IGFBP7: variants seen among roughly 807,000 people sequenced by gnomAD.
IGFBP7 encodes the protein insulin like growth factor binding protein 7.
Under a neutral mutation model 29.4 loss-of-function variants are expected in IGFBP7, and 31 were observed. The ratio of observed to expected loss-of-function variants is 1.05; its 90% CI spans 0.79 to 1.42. IGFBP7 has a LOEUF of 1.42. IGFBP7 is among the 40% of genes most tolerant of loss of function. The pLI is 0.00. For missense variants in IGFBP7, 393 were observed against 395.5 expected (o/e 0.99, Z 0.05); for synonymous variants, 172 against 174.9 (o/e 0.98, Z 0.13).
At chr4:57,041,370 A>G (rs779891680) in intron 1 of IGFBP7, among the ~76,000 whole-genome samples, 9 of 152,180 alleles carry the variant, frequency 5.9e-5, no homozygotes, top group Non-Finnish European at 1.0e-4. Context: ...AAAAAATCTA[A>G]GAGAATATTT....
chr4:57,068,492 G>C (rs929380801), intron 1 of IGFBP7, among the ~76,000 whole-genome samples: 5 of 152,078 alleles, frequency 3.3e-5, no homozygotes, highest in African/African-American at 1.2e-4. Flanking sequence ...AGATAAGATG[G>C]GCCTAGAAAC....
chr4:57,044,276 C>T (rs894656564), intron 1 of IGFBP7, among the ~76,000 whole-genome samples: 5 of 152,214 alleles, frequency 3.3e-5, no homozygotes, highest in African/African-American at 9.6e-5. Context: ...GGGCAAGTTC[C>T]AGCCTGATTT....
Position 57,031,307 on chromosome 4 carries a change from T to C in IGFBP7, c.*10A>G, listed in dbSNP as rs750017825. 5 of 1,603,094 alleles carry C rather than the reference T, an allele frequency of 3.1e-6. No individual in the cohort carries two copies. The highest frequency in any genetic ancestry group is 4.3e-6 in the Non-Finnish European group (5 of 1,172,318). ...CTTTTAACCATGCAGACTAATAATA[T>C]TCTGGAGGTTTATAGCTCGGCACCT... On this transcript the variant is annotated 3_prime_UTR_variant, in exon 5 of 5. Transcript: ENST00000295666.
intron 1 of IGFBP7, among the ~76,000 whole-genome samples, chr4:57,063,742 A>G (rs779352130): frequency 6.6e-6 from 1 of 152,182 alleles, no homozygotes; most frequent in Non-Finnish European, 1.5e-5. Context: ...GTAGGTACAA[A>G]CAGGTCAATG....
chr4:57,032,966 G>GA (rs1723977655), intron 3 of IGFBP7, among the ~76,000 whole-genome samples: 1 of 152,176 alleles, frequency 6.6e-6, no homozygotes, highest in Admixed American at 6.5e-5. Flanking sequence ...GAACTCTTAG[G>GA]AAAATACTAG....
chr4:57,050,488 A>C (rs575770084), intron 1 of IGFBP7, among the ~76,000 whole-genome samples: 10 of 151,192 alleles, frequency 6.6e-5, no homozygotes, highest in African/African-American at 2.2e-4. Context: ...CAGGTGATCC[A>C]CCTGCCTCAG....
chr4:57,094,888 G>C (rs1362738627), intron 1 of IGFBP7, among the ~76,000 whole-genome samples: 1 of 152,224 alleles, frequency 6.6e-6, no homozygotes, highest in Non-Finnish European at 1.5e-5. Context: ...GACATGCACA[G>C]AGCAGCAAAC....
intron 1 of IGFBP7, among the ~76,000 whole-genome samples, chr4:57,047,697 C>A (rs764039706): frequency 5.3e-5 from 8 of 152,154 alleles, no homozygotes; most frequent in Non-Finnish European, 1.2e-4. Context: ...TAGAAGTCTC[C>A]TGCAGAATCT....
chr4:57,110,048 C>T lies in IGFBP7; in HGVS notation c.304G>A (p.Ala102Thr), dbSNP rs1726148371. 1.3e-6 allele frequency: 2 copies of T among 1,561,090 alleles called. No homozygotes were observed. Among genetic ancestry groups the T allele is most frequent in the Non-Finnish European group, 1.7e-6 (2 of 1,159,552 alleles). Reference protein sequence around the residue: ...KRRKGKAGAAAGGPGVSGVCV... With the variant: ...KRRKGKAGAATGGPGVSGVCV... ...ACGCCGCTTACACCCGGACCGCCGG[C>T]TGCTGCCCCGGCTTTACCCTTCCGC... Residue 102 changes from alanine to threonine, a missense_variant, in exon 1 of 5, where the codon GCC becomes ACC. Coordinates refer to ENST00000295666, the MANE Select transcript of IGFBP7 (RefSeq NM_001553.3).
intron 1 of IGFBP7, among the ~76,000 whole-genome samples, chr4:57,052,175 C>T (rs1718880): frequency 0.9 from 136,995 of 151,990 alleles, 61,842 homozygotes; most frequent in South Asian, 0.95. Flanking sequence ...AATGAGAAGA[C>T]AGAGAAAAGG....
At chr4:57,040,564 C>T (rs1233977723) in intron 2 of IGFBP7, among the ~76,000 whole-genome samples, 1 of 152,222 alleles carries the variant, frequency 6.6e-6, no homozygotes, top group Non-Finnish European at 1.5e-5. Context: ...GGTGCACACA[C>T]ACCCTGAAGG....
At chr4:57,055,012 ACTGGAAAGTGCCTGTGG>A (rs1273392838) in intron 1 of IGFBP7, among the ~76,000 whole-genome samples, 3 of 152,218 alleles carry the variant, frequency 2.0e-5, no homozygotes, top group African/African-American at 7.2e-5. Context: ...GGCTGACGGC[ACTGGAAAGTGCCTGTGG>A]GGTCCGACAG....
chr4:57,045,557 T>C (rs1724339572), intron 1 of IGFBP7, among the ~76,000 whole-genome samples: 1 of 152,034 alleles, frequency 6.6e-6, no homozygotes, highest in African/African-American at 2.4e-5. Flanking sequence ...TGGAGGCGGG[T>C]TGGCCTCCAC....
intron 1 of IGFBP7, among the ~76,000 whole-genome samples, chr4:57,044,813 T>C (rs559919642): frequency 6.6e-5 from 10 of 152,162 alleles, no homozygotes; most frequent in Admixed American, 1.3e-4. Context: ...ATATATCTGT[T>C]CCCCCCCAAT....
At chr4:57,031,995 C>T in intron 4 of IGFBP7, 1 of 170,146 alleles carries the variant, frequency 5.9e-6, no homozygotes, top group South Asian at 1.5e-4. Flanking sequence ...GGAGGCAGAA[C>T]AGAACTGGGT....
Position 57,033,311 on chromosome 4 carries a change from C to T in IGFBP7, c.586G>A (p.Val196Ile). Residue 196 changes from valine (V) to isoleucine (I), a missense_variant and splice_region_variant, in exon 3 of 5, where the codon GTA becomes ATA. Transcript: ENST00000295666. ...TGAACTCCATAGTGACCCCTTTTTA[C>T]CTGCAAAAACAAAAGGAGAGTAATA... ...IPTPVLIWNKVKRGHYGVQRT... is the reference protein window; with the variant it reads ...IPTPVLIWNKIKRGHYGVQRT... 6.2e-7 allele frequency: 1 copy of T among 1,603,618 alleles called. No individual in the cohort carries two copies. The highest frequency in any genetic ancestry group is 8.5e-7 in the Non-Finnish European group (1 of 1,170,448).
chr4:57,057,253 C>T (rs1578622182), intron 1 of IGFBP7, among the ~76,000 whole-genome samples: 1 of 152,182 alleles, frequency 6.6e-6, no homozygotes, highest in African/African-American at 2.4e-5. Flanking sequence ...CAAGTGATCC[C>T]CCTGCCTTGG....
intron 1 of IGFBP7, among the ~76,000 whole-genome samples, chr4:57,041,295 G>A (rs938050911): frequency 1.3e-5 from 2 of 151,722 alleles, no homozygotes; most frequent in African/African-American, 2.4e-5. Flanking sequence ...TTCTTCTTTT[G>A]TTTACCACTA....
intron 1 of IGFBP7, among the ~76,000 whole-genome samples, chr4:57,052,646 C>T (rs1455496632): frequency 6.6e-6 from 1 of 152,146 alleles, no homozygotes; most frequent in Non-Finnish European, 1.5e-5. Flanking sequence ...CCTTGCTTAG[C>T]TTCCAGGCAC....
Sources: allele counts gnomAD v4.1 joint callset (sites outside exome capture counted in the v4.1 genomes callset), GRCh38; gene constraint gnomAD v4.1.1; transcripts MANE v1.5; gene names NCBI Gene and HGNC (gene_info 2026-07-23, HGNC 2026-07-21).